LRMDA: variants seen among roughly 807,000 people sequenced by gnomAD.
The protein encoded by LRMDA is leucine rich melanocyte differentiation associated.
Under a neutral mutation model 29.8 loss-of-function variants are expected in LRMDA, and 18 were observed. That is an observed-to-expected ratio of 0.60 (90% confidence interval 0.42 to 0.90). The LOEUF (loss-of-function observed/expected upper bound fraction) is 0.90. LRMDA is among the 40% of genes least tolerant of loss of function. The pLI is 0.00. For missense variants in LRMDA, 273 were observed against 273.9 expected (o/e 1.00, Z 0.02); for synonymous variants, 125 against 109.4 (o/e 1.14, Z -0.89).
chr10:75,508,409 G>A (rs1281750530), intron 2 of LRMDA, among the ~76,000 whole-genome samples: 1 of 152,178 alleles, frequency 6.6e-6, no homozygotes, highest in African/African-American at 2.4e-5. Context: ...CTTTTGGGCT[G>A]TATATTTCTT....
intron 2 of LRMDA, among the ~76,000 whole-genome samples, chr10:75,835,643 A>C (rs1424664962): frequency 6.6e-6 from 1 of 152,196 alleles, no homozygotes; most frequent in Non-Finnish European, 1.5e-5. Context: ...TTTCAGTCCC[A>C]CTTGGGCTAC....
intron 2 of LRMDA, among the ~76,000 whole-genome samples, chr10:75,921,342 A>G (rs1245087104): frequency 5.9e-5 from 9 of 152,242 alleles, no homozygotes; most frequent in Admixed American, 5.9e-4. Flanking sequence ...ATATGTGTAG[A>G]AAGATGAATA....
intron 2 of LRMDA, among the ~76,000 whole-genome samples, chr10:75,981,680 C>A (rs1300682782): frequency 6.6e-6 from 1 of 152,122 alleles, no homozygotes; most frequent in East Asian, 1.9e-4. Context: ...GGTGAAACCC[C>A]AGCTCTACTA....
chr10:76,336,159 T>C (rs2132413272), intron 6 of LRMDA, among the ~76,000 whole-genome samples: 2 of 120,070 alleles, frequency 1.7e-5, no homozygotes, highest in East Asian at 4.9e-4. Context: ...TCATCTCTCT[T>C]TGAGGTAGCC....
At chr10:76,085,105 T>C (rs1322665533) in intron 5 of LRMDA, among the ~76,000 whole-genome samples, 3 of 152,006 alleles carry the variant, frequency 2.0e-5, no homozygotes, top group African/African-American at 7.2e-5. Flanking sequence ...CTAGAGAAGG[T>C]TGTAAAGAAT....
chr10:76,105,629 CAG>C (rs1451410305), intron 5 of LRMDA, among the ~76,000 whole-genome samples: 1 of 152,152 alleles, frequency 6.6e-6, no homozygotes, highest in Non-Finnish European at 1.5e-5. Context: ...CTGAAGCCAC[CAG>C]CAACTGGAAG....
intron 2 of LRMDA, among the ~76,000 whole-genome samples, chr10:75,807,156 G>A (rs931501904): frequency 1.1e-4 from 17 of 152,174 alleles, no homozygotes; most frequent in Non-Finnish European, 2.4e-4. Context: ...TGTTGCTGTT[G>A]TTGCTCTGCA....
chr10:75,652,606 C>G (rs1841613585), intron 2 of LRMDA, among the ~76,000 whole-genome samples: 1 of 152,210 alleles, frequency 6.6e-6, no homozygotes, highest in South Asian at 2.1e-4. Context: ...GGGTCTAGAA[C>G]TGACTTTCTC....
intron 3 of LRMDA, among the ~76,000 whole-genome samples, chr10:76,036,600 C>G (rs1848251203): frequency 1.3e-5 from 2 of 152,116 alleles, no homozygotes; most frequent in South Asian, 4.1e-4. Context: ...CTTGGGGAAC[C>G]GTTTTGGTGA....
At chr10:76,249,746 G>T (rs1486796613) in intron 5 of LRMDA, among the ~76,000 whole-genome samples, 1 of 152,230 alleles carries the variant, frequency 6.6e-6, no homozygotes, top group Non-Finnish European at 1.5e-5. Context: ...CTTGGAGAAT[G>T]GTTCTGTTTA....
chr10:76,480,456 C>A (rs1842723363), intron 6 of LRMDA, among the ~76,000 whole-genome samples: 1 of 151,914 alleles, frequency 6.6e-6, no homozygotes, highest in African/African-American at 2.4e-5. Flanking sequence ...TTTTAAAGCA[C>A]TCCTGTGCCA....
At chr10:75,573,747 T>C (rs1029330850) in intron 2 of LRMDA, among the ~76,000 whole-genome samples, 1 of 152,230 alleles carries the variant, frequency 6.6e-6, no homozygotes, top group African/African-American at 2.4e-5. Context: ...ACTCTTTTCA[T>C]AGTGATTTGT....
chr10:75,529,811 A>G (rs1159199353), intron 2 of LRMDA, among the ~76,000 whole-genome samples: 3 of 152,222 alleles, frequency 2.0e-5, no homozygotes, highest in Non-Finnish European at 2.9e-5. Flanking sequence ...AACACAAAAT[A>G]TGGTCTAACT....
intron 6 of LRMDA, among the ~76,000 whole-genome samples, chr10:76,477,366 G>A (rs1369269732): frequency 2.0e-5 from 3 of 152,072 alleles, no homozygotes; most frequent in Non-Finnish European, 2.9e-5. Context: ...ACCTCTTCAA[G>A]GAGAACTACA....
At chr10:76,458,139 A>AAAAC (rs3066511) in intron 6 of LRMDA, among the ~76,000 whole-genome samples, 2 of 142,230 alleles carry the variant, frequency 1.4e-5, no homozygotes, top group Non-Finnish European at 3.1e-5. Flanking sequence ...AAAAAAAAAA[A>AAAAC]CTTGGCTGTT....
intron 6 of LRMDA, among the ~76,000 whole-genome samples, chr10:76,424,986 G>A (rs550599155): frequency 1.7e-4 from 26 of 152,200 alleles, no homozygotes; most frequent in African/African-American, 5.8e-4. Context: ...CTCCCCATTA[G>A]CATCTCAGCT....
In LRMDA at chr10:76,132,943, C is replaced by T. The variant is rs1441273010; in HGVS notation, c.516+74160C>T. Among the ~76,000 whole-genome samples, 3 of 143,230 alleles carry T rather than the reference C, an allele frequency of 2.1e-5. No individual in the cohort carries two copies. The Admixed American group carries it at 2.1e-4, about 10-fold the overall frequency. 94.0% of individuals were successfully genotyped at this position (143,230 alleles called of 152,430 possible). On this transcript the variant is annotated intron_variant, in intron 5 of 6. Coordinates refer to ENST00000611255, the MANE Select transcript of LRMDA (RefSeq NM_001305581.2). ...TCAGCCTCCTGAGTAGCTGGGACTA[C>T]AGGCATCCACCACCACGCCCGGCTT...
chr10:75,963,603 G>T, intron 2 of LRMDA, among the ~76,000 whole-genome samples: 1 of 152,170 alleles, frequency 6.6e-6, no homozygotes, highest in Non-Finnish European at 1.5e-5. Flanking sequence ...AGGGAGCTTG[G>T]GTTCCAACCT....
chr10:76,529,357 A>T (rs1374755879), intron 6 of LRMDA, among the ~76,000 whole-genome samples: 1 of 152,154 alleles, frequency 6.6e-6, no homozygotes. Context: ...GGCTCACTAA[A>T]TGCTATTAAT....
Sources: allele counts gnomAD v4.1 joint callset (sites outside exome capture counted in the v4.1 genomes callset), GRCh38; gene constraint gnomAD v4.1.1; transcripts MANE v1.5; gene names NCBI Gene and HGNC (gene_info 2026-07-23, HGNC 2026-07-21).